Variants in ADAM2 observed in about 807,000 individuals in gnomAD.
The protein encoded by ADAM2 is disintegrin and metalloproteinase domain-containing protein 2.
Under a neutral mutation model 99.3 loss-of-function variants are expected in ADAM2, and 101 were observed. The ratio of observed to expected loss-of-function variants is 1.02; its 90% confidence interval spans 0.87 to 1.20. The LOEUF is 1.20. ADAM2 is among the 50% of genes most tolerant of loss of function. ADAM2 has a pLI of 0.00. For missense variants in ADAM2, 948 were observed against 878.7 expected (o/e 1.08, Z -1.00); for synonymous variants, 323 against 287.6 (o/e 1.12, Z -1.25).
chr8:39,790,753 A>G (rs1247424184), intron 7 of ADAM2, among the ~76,000 whole-genome samples: 1 of 152,014 alleles, frequency 6.6e-6, no homozygotes, highest in Non-Finnish European at 1.5e-5. Context: ...TAGAACTTCC[A>G]AATCTTCTCC....
intron 7 of ADAM2, among the ~76,000 whole-genome samples, chr8:39,803,312 T>C (rs1401945877): frequency 6.6e-6 from 1 of 152,110 alleles, no homozygotes; most frequent in Non-Finnish European, 1.5e-5. Context: ...TAAACTTAAG[T>C]TGTTTATTTG....
chr8:39,837,361 G>GTT, intron 1 of ADAM2, 149 bp from the exon 2 acceptor site: 5 of 512,642 alleles, frequency 9.8e-6, no homozygotes, highest in East Asian at 3.6e-5. Context: ...ATACAAGGAG[G>GTT]TTTTTTTTTC....
intron 11 of ADAM2, among the ~76,000 whole-genome samples, chr8:39,775,064 C>A (rs139835545): frequency 1.3e-5 from 2 of 152,214 alleles, no homozygotes; most frequent in Non-Finnish European, 2.9e-5. Flanking sequence ...TGACTTCTTT[C>A]TGCGGGGCCC....
At chr8:39,789,746 CAA>C (rs899897850) in intron 7 of ADAM2, among the ~76,000 whole-genome samples, 10 of 149,634 alleles carry the variant, frequency 6.7e-5, no homozygotes, top group African/African-American at 2.5e-4. Flanking sequence ...ATCAAGAAAA[CAA>C]AAAGACAACC....
chr8:39,789,034 G>A (rs1474305999), intron 7 of ADAM2, among the ~76,000 whole-genome samples: 1 of 151,326 alleles, frequency 6.6e-6, no homozygotes, highest in African/African-American at 2.4e-5. Flanking sequence ...TAAAAGAAAA[G>A]TTTAGCTCTA....
At chr8:39,749,631 T>A in intron 17 of ADAM2, 36 bp downstream of exon 17, 1 of 1,564,716 alleles carries the variant, frequency 6.4e-7, no homozygotes, top group Non-Finnish European at 8.8e-7. Flanking sequence ...TTAGGCTCAA[T>A]GATTTCTATT....
At chr8:39,816,180 C>T (rs1352784389) in intron 6 of ADAM2, among the ~76,000 whole-genome samples, 7 of 152,124 alleles carry the variant, frequency 4.6e-5, no homozygotes, top group Non-Finnish European at 7.4e-5. Flanking sequence ...ACCTCTAATA[C>T]CAGCTACTCG....
In ADAM2 at chr8:39,788,195, A is replaced by G; in HGVS notation, c.699T>C (p.Asp233=). ...IILSSLELWI[D]ENKIATTGEA... is the part of the protein sequence containing the mutation. ...CTCCAGTGGTTGCAATTTTATTTTC[A>G]TCTATCCAAAGCTCCAATGAAGACA... Residue 233 remains aspartate (D), a synonymous_variant, in exon 9 of 21, where the codon GAT becomes GAC. Transcript: ENST00000265708. The G allele has an allele frequency of 6.3e-7, 1 of 1,580,076 alleles. No homozygotes were observed.
chr8:39,792,949 G>T (rs1213275244), intron 7 of ADAM2, among the ~76,000 whole-genome samples: 1 of 151,992 alleles, frequency 6.6e-6, no homozygotes, highest in African/African-American at 2.4e-5. Flanking sequence ...GCCAAAATAT[G>T]CCTTTATGGC....
At chr8:39,822,247 T>C (rs751607576) in intron 4 of ADAM2, among the ~76,000 whole-genome samples, 13 of 152,182 alleles carry the variant, frequency 8.5e-5, no homozygotes, top group Non-Finnish European at 1.6e-4. Flanking sequence ...AAAAATATCT[T>C]GAACATTCCA....
chr8:39,833,939 C>A lies in ADAM2; in HGVS notation c.188+5G>T. On this transcript the variant is annotated splice_donor_5th_base_variant and intron_variant, in intron 3 of 20. Coordinates refer to ENST00000265708, the MANE Select transcript of ADAM2 (RefSeq NM_001464.5). ...AGAATTGATAAAATAATGATGATTACCTACTTTTGCATTAAATTCACAGTA... is the reference window on the plus strand; with the variant it reads ...AGAATTGATAAAATAATGATGATTAACTACTTTTGCATTAAATTCACAGTA... 1 of 1,462,366 alleles carries A rather than the reference C, an allele frequency of 6.8e-7. No individual in the cohort carries two copies. The highest frequency in any genetic ancestry group is 2.3e-5 in the East Asian group (1 of 43,794). 90.6% of individuals were successfully genotyped at this position (1,462,366 alleles called of 1,614,324 possible).
chr8:39,756,875 T>C (rs893374885), intron 15 of ADAM2, among the ~76,000 whole-genome samples: 3 of 152,062 alleles, frequency 2.0e-5, no homozygotes, highest in African/African-American at 4.8e-5. Flanking sequence ...ATTAAGAAAA[T>C]AAGCAAGCTC....
At position 39,837,004 on chromosome 8, in the gene ADAM2, T is replaced by A. The variant is rs1805850911; in HGVS notation, c.132+132A>T. 4.8e-6 allele frequency: 3 copies of A among 628,536 alleles called. No individual in the cohort carries two copies. The Admixed American group carries it at 1.1e-4, about 23-fold the overall frequency. 38.9% of individuals were successfully genotyped at this position (628,536 alleles called of 1,614,324 possible). A position where few individuals can be genotyped will look rare whatever the true frequency, so the allele number is the denominator to read the frequency against. On this transcript the variant is annotated intron_variant, in intron 2 of 20. Transcript: ENST00000265708. ...CCTGGTTCATTTTCAAAAGGGCTTT[T>A]CCATTCAGGGAAAATTTGGTATAAA...
At chr8:39,805,057 C>G (rs1470313410) in intron 7 of ADAM2, among the ~76,000 whole-genome samples, 1 of 152,138 alleles carries the variant, frequency 6.6e-6, no homozygotes, top group African/African-American at 2.4e-5. Context: ...GATTTGGTGT[C>G]TGATGAGGGT....
chr8:39,782,727 CTAA>C (rs1803286017), intron 10 of ADAM2, among the ~76,000 whole-genome samples: 1 of 152,004 alleles, frequency 6.6e-6, no homozygotes, highest in African/African-American at 2.4e-5. Flanking sequence ...CTTTATTCAA[CTAA>C]TATTTGGATA....
intron 11 of ADAM2, among the ~76,000 whole-genome samples, chr8:39,774,210 G>T (rs989704125): frequency 6.6e-6 from 1 of 151,928 alleles, no homozygotes; most frequent in Non-Finnish European, 1.5e-5. Flanking sequence ...TTCAGTTAAT[G>T]TATTTATTGG....
At chr8:39,821,435 T>C (rs1805183666) in intron 5 of ADAM2, 151 bp downstream of exon 5, 2 of 635,536 alleles carry the variant, frequency 3.1e-6, no homozygotes, top group Non-Finnish European at 5.3e-6. Flanking sequence ...GCAGGAGCCA[T>C]CATAAGTATT....
intron 6 of ADAM2, chr8:39,817,817 G>A (rs189916930): frequency 6.6e-6 from 1 of 151,408 alleles, no homozygotes; most frequent in African/African-American, 2.4e-5. Context: ...GACCTATAAG[G>A]GAGTCCTACA....
At chr8:39,834,957 T>C (rs1805763976) in intron 2 of ADAM2, among the ~76,000 whole-genome samples, 2 of 152,106 alleles carry the variant, frequency 1.3e-5, no homozygotes, top group African/African-American at 4.8e-5. Context: ...GATTCCTTGT[T>C]CTTGCAAGGA....
Sources: allele counts gnomAD v4.1 joint callset (sites outside exome capture counted in the v4.1 genomes callset), GRCh38; gene constraint gnomAD v4.1.1; transcripts MANE v1.5; gene names NCBI Gene and HGNC (gene_info 2026-07-23, HGNC 2026-07-21).